The following GRIK2 variants were observed in gnomAD, a reference collection of about 807,000 sequenced individuals.
GRIK2 encodes the protein glutamate ionotropic receptor kainate type subunit 2.
A neutral mutation model predicts 100.3 loss-of-function variants in GRIK2; 32 were observed. That is an observed-to-expected ratio of 0.32 (90% CI 0.24 to 0.43). The LOEUF (loss-of-function observed/expected upper bound fraction) is 0.43, where lower values mean the gene tolerates loss of function less well. Among genes scored for constraint, GRIK2 ranks in the 20% least tolerant of loss-of-function variants. The probability of loss-of-function intolerance (pLI) is 1.00; values close to 1 mark genes in which losing one functional copy is unlikely to be tolerated. For synonymous variants in GRIK2, 417 were observed against 389.4 expected (o/e 1.07, Z -0.83); for missense variants, 843 against 1,114.9 (o/e 0.76, Z 3.47).
intron 12 of GRIK2, among the ~76,000 whole-genome samples, chr6:101,904,753 T>C (rs1393634126): frequency 6.6e-6 from 1 of 151,542 alleles, no homozygotes; most frequent in Admixed American, 6.6e-5. Context: ...ATTATTACCT[T>C]CTGTGGTAAA....
At chr6:101,726,124 AG>A (rs1774847885) in intron 7 of GRIK2, among the ~76,000 whole-genome samples, 1 of 151,990 alleles carries the variant, frequency 6.6e-6, no homozygotes, top group Non-Finnish European at 1.5e-5. Flanking sequence ...GATAGGTCTT[AG>A]GTAATTGTAA....
chr6:102,035,223 AATTAT>A (rs1286115348), intron 14 of GRIK2, 113 bp from the exon 15 acceptor site: 1 of 368,416 alleles, frequency 2.7e-6, no homozygotes. Context: ...ATTCCTTAAA[AATTAT>A]ATTAAGATGG....
At chr6:101,584,802 G>A (rs1352812677) in intron 2 of GRIK2, among the ~76,000 whole-genome samples, 3 of 151,280 alleles carry the variant, frequency 2.0e-5, no homozygotes, top group Non-Finnish European at 4.4e-5. Context: ...ACTAGCTACA[G>A]TTGTGATTTA....
chr6:101,758,484 T>G (rs576634051), intron 7 of GRIK2, among the ~76,000 whole-genome samples: 9 of 152,320 alleles, frequency 5.9e-5, no homozygotes, highest in African/African-American at 2.2e-4. Context: ...TTGCTGGTGT[T>G]CATCCATTGC....
chr6:101,822,006 C>T (rs552199587), intron 10 of GRIK2, among the ~76,000 whole-genome samples: 1 of 152,210 alleles, frequency 6.6e-6, no homozygotes, highest in South Asian at 2.1e-4. Context: ...GAATTCAGCA[C>T]TATCCACAAG....
rs150949330 is a variant in GRIK2, at chr6:101,898,492, A to T, written c.1748+8629A>T. Among the ~76,000 whole-genome samples the T allele has an allele frequency of 7.9e-3, 1,206 of 152,000 alleles. 22 individuals are homozygous for T. Among genetic ancestry groups the T allele is most frequent in the African/African-American group, 0.027 (1,141 of 41,512 alleles). ...ATAATTCCTTGAAAAAAAAATCCTT[A>T]GTTAGCTGTACTTAAGAAGTATGTC... On this transcript the variant is annotated intron_variant, in intron 12 of 16. Transcript: ENST00000369134.
intron 7 of GRIK2, among the ~76,000 whole-genome samples, chr6:101,766,594 G>A (rs554640409): frequency 6.6e-6 from 1 of 152,258 alleles, no homozygotes; most frequent in African/African-American, 2.4e-5. Flanking sequence ...TTGTCAAACT[G>A]TGTTTTAGTT....
chr6:102,031,782 G>A (rs1442313834), intron 14 of GRIK2, among the ~76,000 whole-genome samples: 1 of 151,286 alleles, frequency 6.6e-6, no homozygotes, highest in Admixed American at 6.6e-5. Context: ...CATCCATGTT[G>A]CTGTAAAGGA....
intron 7 of GRIK2, among the ~76,000 whole-genome samples, chr6:101,794,225 G>C (rs578082303): frequency 5.8e-4 from 89 of 152,150 alleles, no homozygotes; most frequent in African/African-American, 2.0e-3. Context: ...GCTGTTCTGT[G>C]CCCACTGTCT....
intron 3 of GRIK2, among the ~76,000 whole-genome samples, chr6:101,625,097 G>T (rs1780367497): frequency 6.6e-6 from 1 of 152,036 alleles, no homozygotes; most frequent in Non-Finnish European, 1.5e-5. Context: ...ATAATAGCCG[G>T]GTGTGGTGGC....
At chr6:101,988,833 A>T (rs1279097814) in intron 14 of GRIK2, among the ~76,000 whole-genome samples, 1 of 151,942 alleles carries the variant, frequency 6.6e-6, no homozygotes, top group Non-Finnish European at 1.5e-5. Flanking sequence ...AGATTTCAAG[A>T]TTTATTTTTC....
chr6:101,691,571 T>C (rs1415991632), intron 7 of GRIK2, among the ~76,000 whole-genome samples: 1 of 152,098 alleles, frequency 6.6e-6, no homozygotes, highest in African/African-American at 2.4e-5. Flanking sequence ...GTGCTGGGAT[T>C]ATTTATAGGT....
At chr6:101,879,617 A>G (rs898148792) in intron 11 of GRIK2, among the ~76,000 whole-genome samples, 41 of 151,868 alleles carry the variant, frequency 2.7e-4, no homozygotes, top group African/African-American at 9.7e-4. Context: ...CGACAATTAT[A>G]TCAATAATCT....
intron 2 of GRIK2, among the ~76,000 whole-genome samples, chr6:101,530,743 A>C (rs886403984): frequency 6.6e-6 from 1 of 152,022 alleles, no homozygotes; most frequent in Admixed American, 6.6e-5. Context: ...GGAATTATGG[A>C]TGACATTTAA....
chr6:101,761,108 A>G (rs1409307342), intron 7 of GRIK2, among the ~76,000 whole-genome samples: 2 of 152,182 alleles, frequency 1.3e-5, no homozygotes, highest in Non-Finnish European at 2.9e-5. Context: ...GACTCCATCT[A>G]GAAAGATCAT....
At chr6:101,635,177 G>A (rs1780944742) in intron 4 of GRIK2, among the ~76,000 whole-genome samples, 1 of 152,020 alleles carries the variant, frequency 6.6e-6, no homozygotes, top group African/African-American at 2.4e-5. Flanking sequence ...TTCAAGTGCT[G>A]TGTTCTCTAA....
chr6:101,677,108 A>G (rs1435943278), intron 5 of GRIK2, among the ~76,000 whole-genome samples: 1 of 152,108 alleles, frequency 6.6e-6, no homozygotes, highest in Non-Finnish European at 1.5e-5. Flanking sequence ...GAAATGAGGG[A>G]AGGAACTAAG....
chr6:101,897,876 T>G (rs1582483924), intron 12 of GRIK2, among the ~76,000 whole-genome samples: 1 of 152,024 alleles, frequency 6.6e-6, no homozygotes, highest in South Asian at 2.1e-4. Context: ...CTTAAATTAG[T>G]TACAATTTTA....
chr6:101,774,522 A>G (rs1015570228), intron 7 of GRIK2, among the ~76,000 whole-genome samples: 5 of 152,276 alleles, frequency 3.3e-5, no homozygotes, highest in African/African-American at 9.6e-5. Context: ...CATCAATACA[A>G]TGTGGTTCAT....
Sources: gnomAD v4.1 joint callset for allele counts (sites outside exome capture counted in the v4.1 genomes callset) on GRCh38, gnomAD v4.1.1 for gene constraint, MANE v1.5 for transcripts, NCBI Gene and HGNC (gene_info 2026-07-23, HGNC 2026-07-21) for gene names.